TNN: variants seen among roughly 807,000 people sequenced by gnomAD.
TNN encodes tenascin N, also known as tenascin-N.
In TNN, 122 loss-of-function variants were observed where a neutral mutation model predicts 134.4. The observed-to-expected ratio is 0.91, with a 90% confidence interval of 0.78 to 1.06. The LOEUF is 1.06. TNN is among the 50% of genes least tolerant of loss of function. The probability of loss-of-function intolerance (pLI) is 0.00; values close to 1 mark genes in which losing one functional copy is unlikely to be tolerated. For missense variants in TNN, 1,739 were observed against 1,699.4 expected (o/e 1.02, Z -0.41); for synonymous variants, 710 against 670.3 (o/e 1.06, Z -0.91).
At chr1:175,122,906 C>G (rs1482186744) in intron 11 of TNN, among the ~76,000 whole-genome samples, 1 of 152,104 alleles carries the variant, frequency 6.6e-6, no homozygotes, top group South Asian at 2.1e-4. Context: ...GGTGGGAAGG[C>G]CTAAAATTCA....
chr1:175,117,059 A>G lies in TNN; in HGVS notation c.2240A>G (p.Asp747Gly), dbSNP rs1675202815. 1 of 1,614,198 alleles carries G rather than the reference A, an allele frequency of 6.2e-7. No homozygotes were observed. The highest frequency in any genetic ancestry group is 8.5e-7 in the Non-Finnish European group (1 of 1,180,038). The change falls in exon 10 of 19, where the codon GAC becomes GGC. Residue 747 changes from aspartate to glycine, a missense_variant. Physicochemically the swap from Asp to Gly is moderately conservative, Grantham distance 94 (BLOSUM62 -1). Transcript: ENST00000239462. ...GTGGTGCGCTACACCTCTGCCAAGG[A>G]CGGAGAGACCAGGGAGGTTCCGGTG... ...RYVVRYTSAKDGETREVPVGK... is the reference protein window; with the variant it reads ...RYVVRYTSAKGGETREVPVGK...
chr1:175,119,800 A>G (rs771488904), intron 11 of TNN, among the ~76,000 whole-genome samples: 1 of 151,574 alleles, frequency 6.6e-6, no homozygotes, highest in Non-Finnish European at 1.5e-5. Flanking sequence ...ATGCCCGGCT[A>G]ATTTTGTTTT....
chr1:175,136,845 C>T lies in TNN; in HGVS notation c.3452C>T (p.Thr1151Ile). The T allele has an allele frequency of 1.2e-6, 2 of 1,614,048 alleles. No individual in the cohort carries two copies. Among genetic ancestry groups the T allele is most frequent in the Non-Finnish European group, 8.5e-7 (1 of 1,179,978 alleles). The change falls in exon 17 of 19, where the codon ACC (threonine) becomes ATC (isoleucine). Residue 1151 changes from threonine (T) to isoleucine (I), a missense_variant. Transcript: ENST00000239462. Reference sequence around the variant, plus strand: ...GGACTTGACAAGCTACACAACCTCACCACCGGCACTCCAGCGCGGTATGAG... The same window carrying T: ...GGACTTGACAAGCTACACAACCTCATCACCGGCACTCCAGCGCGGTATGAG... ...WLGLDKLHNL[T>I]TGTPARYEVR...
chr1:175,128,673 T>A lies in TNN; in HGVS notation c.3257T>A (p.Ile1086Asn), dbSNP rs773492834. 1 of 1,613,922 alleles carries A rather than the reference T, an allele frequency of 6.2e-7. No homozygotes were observed. The highest frequency in any genetic ancestry group is 8.5e-7 in the Non-Finnish European group (1 of 1,179,984). ...NSNAASGLYT[I>N]YLHGDASRPL... ...AATGCCGCCAGTGGTCTGTACACCA[T>A]CTACCTGCATGGCGATGCCAGCCGG... The change falls in exon 15 of 19, where the codon ATC (isoleucine) becomes AAC (asparagine). Residue 1086 changes from isoleucine (I) to asparagine (N), a missense_variant. Coordinates refer to ENST00000239462, the MANE Select transcript of TNN (RefSeq NM_022093.2).
At chr1:175,137,931 A>G (rs1675855173) in intron 17 of TNN, among the ~76,000 whole-genome samples, 1 of 152,236 alleles carries the variant, frequency 6.6e-6, no homozygotes, top group African/African-American at 2.4e-5. Flanking sequence ...TGAGAAACAT[A>G]AACAGTTACA....
Position 175,144,570 on chromosome 1 carries a change from C to T in TNN, c.3759+20C>T. The T allele has an allele frequency of 3.1e-6, 5 of 1,612,264 alleles. No individual in the cohort carries two copies. Among genetic ancestry groups the T allele is most frequent in the Non-Finnish European group, 3.4e-6 (4 of 1,178,946 alleles). The stretch of plus-strand genomic sequence containing the variant: ...AGTGAGGTAGGTGACAGGTGAATGT[C>T]TTTTCTGTCCCAGGGTATGTCCATA... On this transcript the variant is annotated intron_variant, in intron 18 of 18. Coordinates refer to ENST00000239462, the MANE Select transcript of TNN (RefSeq NM_022093.2).
At chr1:175,120,851 A>C (rs1675356535) in intron 11 of TNN, among the ~76,000 whole-genome samples, 1 of 152,194 alleles carries the variant, frequency 6.6e-6, no homozygotes, top group Non-Finnish European at 1.5e-5. Context: ...GCTAGGCTGG[A>C]GTACAGTGGT....
At chr1:175,146,376 C>G (rs552826000) in intron 18 of TNN, among the ~76,000 whole-genome samples, 81 of 152,236 alleles carry the variant, frequency 5.3e-4, no homozygotes, top group Non-Finnish European at 6.3e-4. Context: ...TTTTATTGGC[C>G]AGGTTGCAGG....
At chr1:175,080,085 A>G in intron 3 of TNN, 78 bp from the exon 4 acceptor site, 3 of 1,564,810 alleles carry the variant, frequency 1.9e-6, no homozygotes, top group South Asian at 1.2e-5. Context: ...CCACCCTTAT[A>G]GTGCTCAGGG....
At chr1:175,127,167 G>A in intron 13 of TNN, 82 bp downstream of exon 13, 21 of 1,523,022 alleles carry the variant, frequency 1.4e-5, no homozygotes, top group Admixed American at 2.0e-5. Context: ...CTCATTTGCT[G>A]GCCTCACGGC....
chr1:175,136,012 CT>C, intron 16 of TNN, 71 bp downstream of exon 16: 1 of 1,128,220 alleles, frequency 8.9e-7, no homozygotes, highest in Non-Finnish European at 1.3e-6. Flanking sequence ...AGCTAGGAGG[CT>C]TAGGGAAGCT....
At chr1:175,089,575 T>C (rs2149430318) in intron 6 of TNN, among the ~76,000 whole-genome samples, 1 of 152,352 alleles carries the variant, frequency 6.6e-6, no homozygotes, top group South Asian at 2.1e-4. Context: ...AGAGGTGATG[T>C]CATTCTTTTG....
chr1:175,098,600 G>A lies in TNN; in HGVS notation c.2119+5G>A. 1 of 1,614,016 alleles carries A rather than the reference G, an allele frequency of 6.2e-7. No individual in the cohort carries two copies. Among genetic ancestry groups the A allele is most frequent in the Non-Finnish European group, 8.5e-7 (1 of 1,179,942 alleles). On this transcript the variant is annotated splice_donor_5th_base_variant and intron_variant, in intron 9 of 18. Transcript: ENST00000239462. The stretch of plus-strand genomic sequence containing the variant: ...CCGACACCAAGGCCCAGACAGGTAA[G>A]GAGTGTGCATTATTGCTGTGCCGAT...
chr1:175,113,625 G>A (rs1311557970), intron 9 of TNN, among the ~76,000 whole-genome samples: 2 of 151,990 alleles, frequency 1.3e-5, no homozygotes, highest in African/African-American at 4.8e-5. Flanking sequence ...GACATTTTCA[G>A]CTATTATTTC....
intron 9 of TNN, among the ~76,000 whole-genome samples, chr1:175,113,922 CT>C (rs1448035280): frequency 6.6e-6 from 1 of 152,042 alleles, no homozygotes; most frequent in Non-Finnish European, 1.5e-5. Flanking sequence ...ATATCTATCT[CT>C]TCACTGAATT....
rs1337623725 is a variant in TNN, at chr1:175,118,595, G to A, written c.2421G>A (p.Trp807Ter). The A allele has an allele frequency of 1.9e-6, 3 of 1,614,078 alleles. No individual in the cohort carries two copies. The highest frequency in any genetic ancestry group is 2.5e-6 in the Non-Finnish European group (3 of 1,180,000). ...IDSPQNLVTD[W>*]VTENTATVSW... is the part of the protein sequence containing the mutation. Reference sequence around the variant, plus strand: ...GCCCCCAAAACCTGGTCACTGACTGGGTGACAGAGAATACAGCCACTGTCT... The same window carrying A: ...GCCCCCAAAACCTGGTCACTGACTGAGTGACAGAGAATACAGCCACTGTCT... Residue 807 changes from tryptophan to a stop codon, truncating the protein, a stop_gained, in exon 11 of 19, where the codon TGG becomes TGA. Coordinates refer to ENST00000239462, the MANE Select transcript of TNN (RefSeq NM_022093.2). LOFTEE classifies it high-confidence loss of function.
At chr1:175,123,889 C>A (rs971667750) in intron 12 of TNN, among the ~76,000 whole-genome samples, 1 of 152,206 alleles carries the variant, frequency 6.6e-6, no homozygotes, top group Non-Finnish European at 1.5e-5. Context: ...TGGCCTCCCT[C>A]ACCCCTCCAC....
At chr1:175,111,492 A>G (rs1675023991) in intron 9 of TNN, among the ~76,000 whole-genome samples, 1 of 140,826 alleles carries the variant, frequency 7.1e-6, no homozygotes, top group Non-Finnish European at 1.5e-5. Flanking sequence ...GTCTCAAAAA[A>G]AAAAAAAAAA....
At chr1:175,112,346 C>T (rs929253560) in intron 9 of TNN, among the ~76,000 whole-genome samples, 1 of 151,912 alleles carries the variant, frequency 6.6e-6, no homozygotes, top group Non-Finnish European at 1.5e-5. Context: ...TCACTTGTAT[C>T]CTCTTGCTGA....
Sources: gnomAD v4.1 joint callset for allele counts (sites outside exome capture counted in the v4.1 genomes callset) on GRCh38, gnomAD v4.1.1 for gene constraint, MANE v1.5 for transcripts, NCBI Gene and HGNC (gene_info 2026-07-23, HGNC 2026-07-21) for gene names.